PTPRT: variants seen among roughly 807,000 people sequenced by gnomAD.
The protein encoded by PTPRT is protein tyrosine phosphatase receptor type T.
In PTPRT, 56 loss-of-function variants were observed where a neutral mutation model predicts 176.8. The observed-to-expected ratio is 0.32, with a 90% CI of 0.26 to 0.40. The LOEUF is 0.40. Among genes scored for constraint, PTPRT ranks in the 10% least tolerant of loss-of-function variants. PTPRT has a pLI of 1.00. For synonymous variants in PTPRT, 783 were observed against 739.0 expected (o/e 1.06, Z -0.96); for missense variants, 1,540 against 1,908.2 (o/e 0.81, Z 3.60).
chr20:43,082,094 C>T (rs2011457792), intron 1 of PTPRT, among the ~76,000 whole-genome samples: 1 of 152,076 alleles, frequency 6.6e-6, no homozygotes, highest in African/African-American at 2.4e-5. Flanking sequence ...TGGTTATTTT[C>T]CTAGAATGCC....
chr20:42,252,975 TG>T (rs2056573063), intron 13 of PTPRT, among the ~76,000 whole-genome samples: 1 of 152,220 alleles, frequency 6.6e-6, no homozygotes, highest in African/African-American at 2.4e-5. Flanking sequence ...GCTTTGCCTT[TG>T]GCACTCTTTA....
At chr20:43,103,628 A>T (rs541295775) in intron 1 of PTPRT, among the ~76,000 whole-genome samples, 1 of 152,258 alleles carries the variant, frequency 6.6e-6, no homozygotes, top group South Asian at 2.1e-4. Context: ...CAAGGGGGCA[A>T]AAATTGTTCT....
Position 42,075,015 on chromosome 20 carries a change from C to A in PTPRT, c.*5864G>T, listed in dbSNP as rs1293573286. On this transcript the variant is annotated 3_prime_UTR_variant, in exon 31 of 31. Transcript: ENST00000373187. ...GAACAGCTCCCCCCACACTCCACCACTAACCTCTCTCCCTGCTGTTCAGTC... is the reference window on the plus strand; with the variant it reads ...GAACAGCTCCCCCCACACTCCACCAATAACCTCTCTCCCTGCTGTTCAGTC... The A allele has an allele frequency of 7.7e-6, 3 of 389,370 alleles. No homozygotes were observed. Among genetic ancestry groups the A allele is most frequent in the Non-Finnish European group, 1.3e-5 (3 of 223,460 alleles). The allele number at this position is 389,370 out of a possible 1,614,324, so 24.1% of individuals were successfully genotyped here.
chr20:42,365,633 A>G (rs2058503987), intron 9 of PTPRT, among the ~76,000 whole-genome samples: 2 of 151,988 alleles, frequency 1.3e-5, no homozygotes, highest in South Asian at 2.1e-4. Context: ...CATGAAATAC[A>G]CTCACACTGA....
chr20:42,938,242 T>C (rs1980319111), intron 1 of PTPRT, among the ~76,000 whole-genome samples: 1 of 152,160 alleles, frequency 6.6e-6, no homozygotes, highest in African/African-American at 2.4e-5. Context: ...GGAATGTGCA[T>C]ATCAGTATCT....
At chr20:42,154,344 C>A (rs1448240836) in intron 17 of PTPRT, among the ~76,000 whole-genome samples, 1 of 152,160 alleles carries the variant, frequency 6.6e-6, no homozygotes, top group Non-Finnish European at 1.5e-5. Flanking sequence ...CTGGGGTGAC[C>A]TGAAACTTCC....
chr20:43,076,187 T>G (rs2011270838), intron 1 of PTPRT, among the ~76,000 whole-genome samples: 1 of 152,188 alleles, frequency 6.6e-6, no homozygotes. Flanking sequence ...TGCCTTTTCC[T>G]TCTGTGCGTG....
intron 7 of PTPRT, among the ~76,000 whole-genome samples, chr20:42,613,444 CT>C (rs1378308338): frequency 6.6e-6 from 1 of 152,214 alleles, no homozygotes; most frequent in Non-Finnish European, 1.5e-5. Flanking sequence ...TTATGCAGCT[CT>C]TTGAAGACAC....
At chr20:42,866,987 C>G (rs114760581) in intron 2 of PTPRT, among the ~76,000 whole-genome samples, 1 of 152,326 alleles carries the variant, frequency 6.6e-6, no homozygotes, top group Admixed American at 6.5e-5. Context: ...CTCCAAAATG[C>G]TACCTGATAC....
At chr20:42,250,481 A>C (rs1291657481) in intron 13 of PTPRT, among the ~76,000 whole-genome samples, 2 of 151,994 alleles carry the variant, frequency 1.3e-5, no homozygotes, top group Non-Finnish European at 2.9e-5. Flanking sequence ...GCCCTCCAGC[A>C]CATTGATGCA....
At chr20:42,065,070 C>T in the PTPRT span, among the ~76,000 whole-genome samples, 1 of 152,210 alleles carries the variant, frequency 6.6e-6, no homozygotes, top group Non-Finnish European at 1.5e-5. Flanking sequence ...TCAACAGCAG[C>T]CATACATGTG....
intron 16 of PTPRT, among the ~76,000 whole-genome samples, chr20:42,161,955 G>A (rs1989621715): frequency 6.6e-6 from 1 of 151,172 alleles, no homozygotes; most frequent in African/African-American, 2.4e-5. Flanking sequence ...AGAGCCTCAG[G>A]TGGCCTCAGG....
chr20:42,157,550 C>T (rs184667494), intron 17 of PTPRT, among the ~76,000 whole-genome samples: 18 of 151,960 alleles, frequency 1.2e-4, no homozygotes, highest in Non-Finnish European at 2.2e-4. Context: ...TTCACCATGT[C>T]GGCCAGGCTG....
chr20:42,222,128 C>T (rs2146793742), intron 15 of PTPRT, among the ~76,000 whole-genome samples: 1 of 152,284 alleles, frequency 6.6e-6, no homozygotes, highest in East Asian at 1.9e-4. Flanking sequence ...TAATACTTAC[C>T]AGCCTCTTTC....
At chr20:42,473,790 T>G (rs949667219) in intron 7 of PTPRT, among the ~76,000 whole-genome samples, 3 of 152,218 alleles carry the variant, frequency 2.0e-5, no homozygotes, top group Non-Finnish European at 2.9e-5. Flanking sequence ...GTCAGGCATT[T>G]GTTATGTTAG....
chr20:42,169,315 C>G (rs1989971089), intron 16 of PTPRT, among the ~76,000 whole-genome samples: 1 of 152,124 alleles, frequency 6.6e-6, no homozygotes, highest in African/African-American at 2.4e-5. Flanking sequence ...GATTCATTTA[C>G]TGTTTCTGAT....
At position 42,333,606 on chromosome 20, in the gene PTPRT, A is replaced by G. The variant is rs150660787; in HGVS notation, c.1865+17022T>C. On this transcript the variant is annotated intron_variant, in intron 11 of 30. Transcript: ENST00000373187. ...CTCGCCCTCCCAAAGTGCTGGGATT[A>G]GAGGCGTGAACCACTGCGCCCAGCC... 3.9e-3 allele frequency among the ~76,000 whole-genome samples: 600 copies of G among 152,270 alleles called. 4 individuals are homozygous for G. Among genetic ancestry groups the G allele is most frequent in the African/African-American group, 0.014 (571 of 41,556 alleles).
At chr20:42,679,249 A>T (rs1341542888) in intron 6 of PTPRT, among the ~76,000 whole-genome samples, 8 of 152,090 alleles carry the variant, frequency 5.3e-5, no homozygotes, top group South Asian at 2.1e-4. Context: ...TCTCACACGT[A>T]TCATTCATGT....
intron 1 of PTPRT, among the ~76,000 whole-genome samples, chr20:43,124,804 T>C (rs1227236363): frequency 6.6e-6 from 1 of 152,052 alleles, no homozygotes; most frequent in African/African-American, 2.4e-5. Flanking sequence ...AATAAGCAAA[T>C]TACACTGGGC....
Sources: allele counts gnomAD v4.1 joint callset (sites outside exome capture counted in the v4.1 genomes callset), GRCh38; gene constraint gnomAD v4.1.1; transcripts MANE v1.5; gene names NCBI Gene and HGNC (gene_info 2026-07-23, HGNC 2026-07-21).